The following MXI1 variants were observed in gnomAD, a reference collection of about 807,000 sequenced individuals.
MXI1 encodes the protein max-interacting protein 1.
Under a neutral mutation model 36.9 loss-of-function variants are expected in MXI1, and 18 were observed. The ratio of observed to expected loss-of-function variants is 0.49; its 90% confidence interval spans 0.34 to 0.72. The LOEUF (loss-of-function observed/expected upper bound fraction) is 0.72. MXI1 is among the 30% of genes least tolerant of loss of function. MXI1 has a pLI of 0.01. For missense variants in MXI1, 304 were observed against 379.1 expected (o/e 0.80, Z 1.64); for synonymous variants, 160 against 146.7 (o/e 1.09, Z -0.65).
chr10:110,262,034 A>G (rs1248190893), intron 3 of MXI1, among the ~76,000 whole-genome samples: 1 of 152,110 alleles, frequency 6.6e-6, no homozygotes, highest in African/African-American at 2.4e-5. Flanking sequence ...AAATAAGCAA[A>G]TTGCAAAATG....
intron 3 of MXI1, among the ~76,000 whole-genome samples, chr10:110,261,491 C>G (rs7905682): frequency 0.012 from 1,777 of 150,982 alleles, 30 homozygotes; most frequent in African/African-American, 0.04. Context: ...CTCTAGAGGT[C>G]ATCAAATCAT....
In MXI1 at chr10:110,226,180, G is replaced by A. The variant is rs1364305767; in HGVS notation, c.275-2009G>A. On this transcript the variant is annotated intron_variant, in intron 1 of 5. Transcript: ENST00000332674. ...TCCTGTCGGCCCGAGAAGGGAGTGC[G>A]GAGAGGCGCCGGTCGCCACCCGCGG... 4.8e-6 allele frequency: 7 copies of A among 1,462,064 alleles called. No homozygotes were observed. In the East Asian group the frequency reaches 2.0e-4, roughly 43 times the overall value. The allele number at this position is 1,462,064 out of a possible 1,614,324, so 90.6% of individuals were successfully genotyped here.
chr10:110,277,627 A>G (rs1857082369), intron 3 of MXI1, among the ~76,000 whole-genome samples: 1 of 152,214 alleles, frequency 6.6e-6, no homozygotes. Flanking sequence ...CCATTGATAT[A>G]CCTTTGATTT....
intron 1 of MXI1, among the ~76,000 whole-genome samples, chr10:110,222,587 G>A (rs1590333083): frequency 6.6e-6 from 1 of 152,280 alleles, no homozygotes; most frequent in Non-Finnish European, 1.5e-5. Flanking sequence ...GGGGTATTCT[G>A]GGGGACTTTC....
chr10:110,224,157 A>G (rs530077566), intron 1 of MXI1, among the ~76,000 whole-genome samples: 13 of 152,260 alleles, frequency 8.5e-5, no homozygotes, highest in African/African-American at 3.1e-4. Context: ...CAATGGAATG[A>G]CCACGGGAGG....
chr10:110,237,419 T>C (rs1418143545), intron 2 of MXI1, among the ~76,000 whole-genome samples: 1 of 152,258 alleles, frequency 6.6e-6, no homozygotes, highest in African/African-American at 2.4e-5. Flanking sequence ...TTTATTTAAA[T>C]GCTTTTTCTA....
intron 3 of MXI1, among the ~76,000 whole-genome samples, chr10:110,252,009 T>C (rs1427338353): frequency 6.6e-6 from 1 of 152,108 alleles, no homozygotes; most frequent in African/African-American, 2.4e-5. Flanking sequence ...GAGATAGGCA[T>C]GTACAAAGCA....
chr10:110,238,853 A>C (rs1035499026), intron 2 of MXI1, among the ~76,000 whole-genome samples: 1 of 152,182 alleles, frequency 6.6e-6, no homozygotes, highest in African/African-American at 2.4e-5. Flanking sequence ...TGATGTGGAC[A>C]ATTATTGGCA....
rs1000831812 is a variant in MXI1 at position 110,247,729 on chromosome 10, C to A, written c.437+2872C>A. The stretch of plus-strand genomic sequence containing the variant: ...GGAGAGGATGTGGAGAAATAGGAAC[C>A]CTTTTACACTGTTGGTGGGACTGTA... On this transcript the variant is annotated intron_variant, in intron 3 of 5. Transcript: ENST00000332674. Among the ~76,000 whole-genome samples, 7 of 152,006 alleles carry A rather than the reference C, an allele frequency of 4.6e-5. No homozygotes were observed. In the East Asian group the frequency reaches 5.8e-4, roughly 13 times the overall value.
intron 2 of MXI1, 126 bp downstream of exon 2, chr10:110,228,447 T>C: frequency 8.6e-7 from 1 of 1,160,154 alleles, no homozygotes; most frequent in Middle Eastern, 2.8e-4. Flanking sequence ...TTTGGCCCTT[T>C]TAAAATAATG....
chr10:110,280,571 T>C (rs112193228), intron 5 of MXI1, among the ~76,000 whole-genome samples: 1 of 151,478 alleles, frequency 6.6e-6, no homozygotes, highest in Non-Finnish European at 1.5e-5. Flanking sequence ...TCCTAGCTAC[T>C]CGGGAGGCTG....
chr10:110,225,728 G>GA (rs1470819915), intron 1 of MXI1, among the ~76,000 whole-genome samples: 2 of 151,128 alleles, frequency 1.3e-5, no homozygotes, highest in African/African-American at 4.9e-5. Context: ...CTGGAGGGAG[G>GA]AAAAAAAAAT....
chr10:110,282,451 TACATGCTACATTTATCAGTA>T (rs1245284432), intron 5 of MXI1, among the ~76,000 whole-genome samples: 1 of 152,214 alleles, frequency 6.6e-6, no homozygotes, highest in Non-Finnish European at 1.5e-5. Flanking sequence ...GAACCTGAAG[TACATGCTACATTTATCAGTA>T]ACAGTGAAAT....
intron 3 of MXI1, 133 bp downstream of exon 3, chr10:110,244,990 A>C: frequency 1.3e-6 from 1 of 782,920 alleles, no homozygotes; most frequent in African/African-American, 1.8e-5. Context: ...TGTGAATCTG[A>C]TATATATGTA....
chr10:110,210,533 C>T (rs1449663908), intron 1 of MXI1, among the ~76,000 whole-genome samples: 1 of 152,124 alleles, frequency 6.6e-6, no homozygotes, highest in African/African-American at 2.4e-5. Context: ...CCCAACAGCT[C>T]GAACAGGCTG....
At position 110,228,229 on chromosome 10, in the gene MXI1, G is replaced by C; in HGVS notation, c.315G>C (p.Pro105=). 1 of 1,613,534 alleles carries C rather than the reference G, an allele frequency of 6.2e-7. No individual in the cohort carries two copies. The highest frequency in any genetic ancestry group is 8.5e-7 in the Non-Finnish European group (1 of 1,179,914). Reference sequence around the variant, plus strand: ...ACGCCTCTTCATTCCCGTCCATGCCGAGCCCCCGACTGCAGCATTCAAAGC... The same window carrying C: ...ACGCCTCTTCATTCCCGTCCATGCCCAGCCCCCGACTGCAGCATTCAAAGC... The part of the protein sequence containing the change: ...HGYASSFPSM[P]SPRLQHSKPP... The change falls in exon 2 of 6, where the codon CCG becomes CCC. Residue 105 remains proline, a synonymous_variant. Transcript: ENST00000332674.
chr10:110,281,649 T>C (rs1857255199), intron 5 of MXI1, among the ~76,000 whole-genome samples: 2 of 152,180 alleles, frequency 1.3e-5, no homozygotes, highest in East Asian at 1.9e-4. Flanking sequence ...TATGTACATA[T>C]TTTTTTAAAC....
At chr10:110,276,196 T>G (rs943232031) in intron 3 of MXI1, among the ~76,000 whole-genome samples, 6 of 152,220 alleles carry the variant, frequency 3.9e-5, no homozygotes, top group African/African-American at 1.4e-4. Context: ...ATTTAGGTCC[T>G]TTACTTTTTA....
At chr10:110,284,793 A>ACGT in intron 5 of MXI1, 31 bp from the exon 6 acceptor site, 1 of 1,017,882 alleles carries the variant, frequency 9.8e-7, no homozygotes, top group Non-Finnish European at 1.3e-6. Flanking sequence ...TCGATAATTA[A>ACGT]TGTTCTTCTT....
Sources: allele counts gnomAD v4.1 joint callset (sites outside exome capture counted in the v4.1 genomes callset), GRCh38; gene constraint gnomAD v4.1.1; transcripts MANE v1.5; gene names NCBI Gene and HGNC (gene_info 2026-07-23, HGNC 2026-07-21).